Variants in RBBP8 observed in about 807,000 individuals in gnomAD.
RBBP8 encodes the protein DNA endonuclease RBBP8.
In RBBP8, 88 loss-of-function variants were observed where a neutral mutation model predicts 108.3. The ratio of observed to expected loss-of-function variants is 0.81; its 90% CI spans 0.68 to 0.97. RBBP8 has a LOEUF of 0.97. Ranked by LOEUF, RBBP8 falls within the 50% of genes least tolerant of loss-of-function variation. The pLI is 0.00. For synonymous variants in RBBP8, 332 were observed against 348.2 expected (o/e 0.95, Z 0.52); for missense variants, 1,023 against 1,049.0 (o/e 0.98, Z 0.34).
chr18:22,963,262 C>G (rs1195485757), intron 4 of RBBP8, among the ~76,000 whole-genome samples: 1 of 151,788 alleles, frequency 6.6e-6, no homozygotes, highest in African/African-American at 2.4e-5. Flanking sequence ...AGACGCCATT[C>G]CCATTTCCCT....
rs8090612 is a variant in RBBP8, at chr18:22,991,099, A to G, written c.920+50A>G. 42 of 1,235,106 alleles carry G rather than the reference A, an allele frequency of 3.4e-5. No individual in the cohort carries two copies. In the African/African-American group the frequency reaches 5.7e-4, roughly 17 times the overall value. 76.5% of individuals were successfully genotyped at this position (1,235,106 alleles called of 1,614,324 possible). On this transcript the variant is annotated intron_variant, in intron 10 of 18. Transcript: ENST00000327155. ...ACTGATAAGCTATTGGTGAGATCCCATTACAATGAATTTCATATAATTAAG... is the reference window on the plus strand; with the variant it reads ...ACTGATAAGCTATTGGTGAGATCCCGTTACAATGAATTTCATATAATTAAG...
At chr18:23,026,046 T>C (rs529447597) in intron 18 of RBBP8, 97 bp from the exon 19 acceptor site, 55 of 970,644 alleles carry the variant, frequency 5.7e-5, no homozygotes, top group Non-Finnish European at 1.6e-6. Flanking sequence ...TCATGTAAAC[T>C]TACAAAGCAT....
intron 4 of RBBP8, among the ~76,000 whole-genome samples, chr18:22,966,691 C>G (rs74822862): frequency 0.058 from 8,639 of 147,822 alleles, 357 homozygotes; most frequent in Middle Eastern, 0.13. Context: ...CATGCTGTGA[C>G]TTCCACAGAC....
intron 4 of RBBP8, among the ~76,000 whole-genome samples, chr18:22,963,589 T>A (rs535466816): frequency 1.3e-5 from 2 of 152,348 alleles, no homozygotes; most frequent in East Asian, 3.9e-4. Flanking sequence ...ATTTGGACTC[T>A]GTCCTCTTTA....
intron 2 of RBBP8, among the ~76,000 whole-genome samples, chr18:22,944,986 A>G (rs1368599738): frequency 1.3e-5 from 2 of 152,214 alleles, no homozygotes; most frequent in African/African-American, 2.4e-5. Context: ...CTTAGGAATG[A>G]TAAATATATT....
intron 4 of RBBP8, among the ~76,000 whole-genome samples, chr18:22,950,380 T>G (rs1179941389): frequency 1.3e-5 from 2 of 152,078 alleles, no homozygotes; most frequent in Non-Finnish European, 2.9e-5. Flanking sequence ...AGGCCAGACA[T>G]TCAAGACCAG....
At chr18:22,979,217 A>T (rs1346853702) in intron 6 of RBBP8, among the ~76,000 whole-genome samples, 2 of 152,224 alleles carry the variant, frequency 1.3e-5, no homozygotes, top group East Asian at 3.8e-4. Context: ...GTGCGCTGAG[A>T]TCGCACCACT....
At chr18:23,009,459 T>A (rs2046117702) in intron 16 of RBBP8, among the ~76,000 whole-genome samples, 1 of 151,180 alleles carries the variant, frequency 6.6e-6, no homozygotes, top group Non-Finnish European at 1.5e-5. Context: ...CTTTTGATTT[T>A]TTAGGAATTG....
intron 3 of RBBP8, among the ~76,000 whole-genome samples, chr18:22,947,438 T>C (rs1026229450): frequency 2.6e-5 from 4 of 151,952 alleles, no homozygotes; most frequent in Non-Finnish European, 4.4e-5. Context: ...TGCATAGGTA[T>C]GTAAAAGAGA....
At chr18:22,947,113 C>T (rs905424512) in intron 3 of RBBP8, among the ~76,000 whole-genome samples, 2 of 151,998 alleles carry the variant, frequency 1.3e-5, no homozygotes, top group Admixed American at 1.3e-4. Flanking sequence ...AGAAAATTCT[C>T]TTTAGCTGCT....
intron 4 of RBBP8, among the ~76,000 whole-genome samples, chr18:22,961,641 T>C (rs1425677342): frequency 2.0e-5 from 3 of 152,196 alleles, no homozygotes; most frequent in Admixed American, 6.5e-5. Context: ...TTGTAAACTT[T>C]CTTAAAACAT....
intron 7 of RBBP8, among the ~76,000 whole-genome samples, chr18:22,984,041 A>C (rs1915145731): frequency 6.6e-6 from 1 of 152,200 alleles, no homozygotes; most frequent in South Asian, 2.1e-4. Context: ...AGATCATGCC[A>C]CTGCACTCCA....
In RBBP8 at chr18:22,994,493, T is replaced by C. The variant is rs1466124043; in HGVS notation, c.1939+646T>C. Among the ~76,000 whole-genome samples the C allele has an allele frequency of 1.7e-3, 250 of 148,426 alleles. 2 individuals are homozygous for C. Among genetic ancestry groups the C allele is most frequent in the African/African-American group, 5.8e-3 (237 of 40,872 alleles). ...CCATCTCTACTAAAAACACAAAAAA[T>C]AAGCCAGGCATGGTGGCAGGCGCCT... On this transcript the variant is annotated intron_variant, in intron 12 of 18. Coordinates refer to ENST00000327155, the MANE Select transcript of RBBP8 (RefSeq NM_002894.3).
At chr18:23,016,956 T>A in intron 17 of RBBP8, 32 bp downstream of exon 17, 1 of 1,435,644 alleles carries the variant, frequency 7.0e-7, no homozygotes, top group Non-Finnish European at 9.8e-7. Flanking sequence ...AATTTTTTTT[T>A]AAGTACGGCT....
intron 3 of RBBP8, among the ~76,000 whole-genome samples, chr18:22,927,824 G>A (rs1909847900): frequency 6.6e-6 from 1 of 151,970 alleles, no homozygotes; most frequent in Non-Finnish European, 1.5e-5. Flanking sequence ...GAACCCAGGA[G>A]GCAGAGGTTG....
intron 17 of RBBP8, among the ~76,000 whole-genome samples, chr18:23,021,384 C>T (rs2046343763): frequency 6.6e-6 from 1 of 152,120 alleles, no homozygotes. Flanking sequence ...CACTGCACCC[C>T]AGCCTGGGTG....
intron 4 of RBBP8, among the ~76,000 whole-genome samples, chr18:22,962,184 CT>C (rs992210871): frequency 2.6e-5 from 4 of 152,014 alleles, no homozygotes; most frequent in Non-Finnish European, 1.5e-5. Context: ...ACATGATTAA[CT>C]TTTCAGATAT....
At chr18:22,920,230 G>A (rs544581154) in intron 3 of RBBP8, among the ~76,000 whole-genome samples, 91 of 152,226 alleles carry the variant, frequency 6.0e-4, no homozygotes, top group African/African-American at 2.2e-3. Context: ...AGAGATCAAG[G>A]CTGCAGTGAG....
intron 12 of RBBP8, among the ~76,000 whole-genome samples, chr18:22,995,058 A>G (rs190738190): frequency 6.1e-4 from 92 of 151,668 alleles, no homozygotes; most frequent in African/African-American, 2.0e-3. Context: ...TTTTTTTTTC[A>G]GCCACCAAAC....
Sources: allele counts gnomAD v4.1 joint callset (sites outside exome capture counted in the v4.1 genomes callset), GRCh38; gene constraint gnomAD v4.1.1; transcripts MANE v1.5; gene names NCBI Gene and HGNC (gene_info 2026-07-23, HGNC 2026-07-21).